Variants in CARS1 observed in about 807,000 individuals in gnomAD.
The protein encoded by CARS1 is cysteinyl-tRNA synthetase 1.
Under a neutral mutation model 106.2 loss-of-function variants are expected in CARS1, and 48 were observed. The observed-to-expected ratio is 0.45, with a 90% CI of 0.36 to 0.57. The LOEUF (loss-of-function observed/expected upper bound fraction) is 0.57. Among genes scored for constraint, CARS1 ranks in the 20% least tolerant of loss-of-function variants. The pLI, the probability that CARS1 is intolerant of heterozygous loss-of-function variation, is 0.00. For synonymous variants in CARS1, 409 were observed against 403.4 expected, an observed-to-expected ratio of 1.01 and a Z score of -0.17; for missense variants, 968 against 1,057.2, an observed-to-expected ratio of 0.92 and a Z score of 1.17.
In CARS1 at chr11:3,045,307, T is replaced by C. The variant is rs61870175; in HGVS notation, c.274+2446A>G. 0.093 allele frequency among the ~76,000 whole-genome samples: 14,190 copies of C among 152,054 alleles called. 879 individuals carry two copies. Among genetic ancestry groups the C allele is most frequent in the African/African-American group, 0.18 (7,268 of 41,468 alleles). ...CGAGACGGAGTCTCGCTCTGTCACC[T>C]AGGCTGGAGTACAGTGGCACGATCT... On this transcript the variant is annotated intron_variant, in intron 2 of 22. Coordinates refer to ENST00000380525, the MANE Select transcript of CARS1 (RefSeq NM_001014437.3). The surrounding 1 kb of genome is among the most constrained non-coding windows in gnomAD (Gnocchi z 5.6).
At chr11:3,042,631 C>A (rs1458656495) in intron 2 of CARS1, among the ~76,000 whole-genome samples, 1 of 152,212 alleles carries the variant, frequency 6.6e-6, no homozygotes, top group Non-Finnish European at 1.5e-5. Flanking sequence ...CCAGCACATT[C>A]CACTGCTCTT....
chr11:3,040,538 G>A lies in CARS1; in HGVS notation c.455+358C>T, dbSNP rs1322094337. ...GCCAACCCAGCGTCAGGCCTGTCAG[G>A]TCTGAGTGTCACGGGAACTCAGCAT... On this transcript the variant is annotated intron_variant, in intron 4 of 22. Coordinates refer to ENST00000380525, the MANE Select transcript of CARS1 (RefSeq NM_001014437.3). The surrounding 1 kb of genome is among the most constrained non-coding windows in gnomAD (Gnocchi z 5.8). 1 of 493,048 alleles carries A rather than the reference G, an allele frequency of 2.0e-6. No individual in the cohort carries two copies. The highest frequency in any genetic ancestry group is 2.3e-5 in the Admixed American group (1 of 43,636). 30.5% of individuals were successfully genotyped at this position (493,048 alleles called of 1,614,324 possible).
rs900326546 is a variant in CARS1 at position 3,048,788 on chromosome 11, G to T, written c.26-787C>A. On this transcript the variant is annotated intron_variant, in intron 1 of 22. Transcript: ENST00000380525. The surrounding 1 kb of genome is among the most constrained non-coding windows in gnomAD (Gnocchi z 5.1). ...GACCAGCCCAAGAAAGCACAGGGCT[G>T]CCAGGAAAATGTGGCTGCTCCAGCC... 6.6e-6 allele frequency among the ~76,000 whole-genome samples: 1 copy of T among 152,238 alleles called. No homozygotes were observed. The highest frequency in any genetic ancestry group is 1.5e-5 in the Non-Finnish European group (1 of 68,040).
chr11:3,047,522 G>C (rs1855222972), intron 2 of CARS1, among the ~76,000 whole-genome samples: 1 of 152,180 alleles, frequency 6.6e-6, no homozygotes, highest in Non-Finnish European at 1.5e-5. Context: ...TGCCACACCA[G>C]TGATGTGAAC....
At position 3,002,065 on chromosome 11, in the gene CARS1, AACACGGC is replaced by A. The variant is rs1334386636; in HGVS notation, c.2278-19_2278-13del. ...GCCAGCTTTGCTGCCTAGAACACGC[AACACGGC>A]ACAGTCACTGCCCCCGAGCAGCACC... On this transcript the variant is annotated splice_polypyrimidine_tract_variant and intron_variant, in intron 21 of 22. Coordinates refer to ENST00000380525, the MANE Select transcript of CARS1 (RefSeq NM_001014437.3). The A allele has an allele frequency of 6.3e-7, 1 of 1,594,278 alleles. No homozygotes were observed. Among genetic ancestry groups the A allele is most frequent in the Non-Finnish European group, 8.6e-7 (1 of 1,162,230 alleles).
chr11:3,053,749 T>G lies in CARS1; in HGVS notation c.25+3594A>C, dbSNP rs1336185838. Among the ~76,000 whole-genome samples, 2 of 152,030 alleles carry G rather than the reference T, an allele frequency of 1.3e-5. No homozygotes were observed. The highest frequency in any genetic ancestry group is 4.8e-5 in the African/African-American group (2 of 41,398). On this transcript the variant is annotated intron_variant, in intron 1 of 22. Transcript: ENST00000380525. This position sits in a 1 kb window ranked among gnomAD's most constrained non-coding sequence, Gnocchi z 6.6. The stretch of plus-strand genomic sequence containing the variant: ...AGGTTTAAACCAGCTTCCCCATGGG[T>G]GGAAAGCTTGCTAAAATGCAGACCC...
At chr11:3,055,549 G>A (rs1431873567) in intron 1 of CARS1, among the ~76,000 whole-genome samples, 1 of 152,242 alleles carries the variant, frequency 6.6e-6, no homozygotes, top group Non-Finnish European at 1.5e-5. Context: ...AACACTGGCT[G>A]GAGATGCTGT....
intron 10 of CARS1, among the ~76,000 whole-genome samples, chr11:3,025,952 CTA>C (rs2134178659): frequency 6.6e-6 from 1 of 152,326 alleles, no homozygotes; most frequent in South Asian, 2.1e-4. Context: ...CCAGGGGCCA[CTA>C]TGTTTCTCAA....
intron 16 of CARS1, among the ~76,000 whole-genome samples, 155 bp from the exon 17 acceptor site, chr11:3,016,004 C>A (rs1180565342): frequency 2.6e-5 from 4 of 152,184 alleles, no homozygotes; most frequent in African/African-American, 4.8e-5. Flanking sequence ...GAAACCCGAG[C>A]CTGAGGGTGC....
Position 3,026,643 on chromosome 11 carries a change from G to A in CARS1, c.1153+33C>T, listed in dbSNP as rs201943900. 20 of 1,609,968 alleles carry A rather than the reference G, an allele frequency of 1.2e-5. No homozygotes were observed. In the East Asian group the frequency reaches 4.5e-4, roughly 36 times the overall value. Reference sequence around the variant, plus strand: ...ACAACCCAGGCTGGGCCAGGAGGGAGAGCCCACATGCTCTCAGGCATGCCC... The same window carrying A: ...ACAACCCAGGCTGGGCCAGGAGGGAAAGCCCACATGCTCTCAGGCATGCCC... On this transcript the variant is annotated intron_variant, in intron 10 of 22. Transcript: ENST00000380525.
chr11:3,046,232 T>C lies in CARS1; in HGVS notation c.274+1521A>G, dbSNP rs952346292. Among the ~76,000 whole-genome samples the C allele has an allele frequency of 6.6e-6, 1 of 151,662 alleles. No individual in the cohort carries two copies. Among genetic ancestry groups the C allele is most frequent in the Admixed American group, 6.6e-5 (1 of 15,224 alleles). On this transcript the variant is annotated intron_variant, in intron 2 of 22. Coordinates refer to ENST00000380525, the MANE Select transcript of CARS1 (RefSeq NM_001014437.3). This position sits in a 1 kb window ranked among gnomAD's most constrained non-coding sequence, Gnocchi z 5.8. The stretch of plus-strand genomic sequence containing the variant: ...TCCTCTCACAGTGTGGATGGAGGCT[T>C]GCGTCTGTGCCGCTCTTTCAACAAG...
chr11:3,042,655 C>T (rs1467616122), intron 2 of CARS1, among the ~76,000 whole-genome samples: 1 of 152,228 alleles, frequency 6.6e-6, no homozygotes, highest in Non-Finnish European at 1.5e-5. Context: ...ATACTGGCCC[C>T]TTTCTGGCAG....
In CARS1 at chr11:3,030,681, A is replaced by G. The variant is rs1238602121; in HGVS notation, c.802-1238T>C. The G allele has an allele frequency of 6.6e-6, 1 of 152,252 alleles. No individual in the cohort carries two copies. The highest frequency in any genetic ancestry group is 1.5e-5 in the Non-Finnish European group (1 of 68,048). The allele number at this position is 152,252 out of a possible 1,614,324, so 9.4% of individuals were successfully genotyped here. A position where few individuals can be genotyped will look rare whatever the true frequency, so the allele number is the denominator to read the frequency against. ...AACGACAAACAGATGGACGCTTCAG[A>G]TGGAGGAGTTATCAGATACATAATA... On this transcript the variant is annotated intron_variant, in intron 7 of 22. Coordinates refer to ENST00000380525, the MANE Select transcript of CARS1 (RefSeq NM_001014437.3). The surrounding 1 kb of genome is among the most constrained non-coding windows in gnomAD (Gnocchi z 5.7).
At chr11:3,007,180 G>C (rs1849962087) in intron 18 of CARS1, 4 of 586,224 alleles carry the variant, frequency 6.8e-6, no homozygotes, top group Non-Finnish European at 1.2e-5. Context: ...CCAGAGACTA[G>C]TGTCTCCCGT....
chr11:3,050,666 C>G lies in CARS1; in HGVS notation c.26-2665G>C, dbSNP rs1000964446. ...TCCTCATGCTGGCCATGGGCCCCCA[C>G]CTGACTCACAATACCCTAGTCACAT... On this transcript the variant is annotated intron_variant, in intron 1 of 22. Transcript: ENST00000380525. This position sits in a 1 kb window ranked among gnomAD's most constrained non-coding sequence, Gnocchi z 6.3. Among the ~76,000 whole-genome samples, 9 of 152,214 alleles carry G rather than the reference C, an allele frequency of 5.9e-5. No homozygotes were observed. The highest frequency in any genetic ancestry group is 1.2e-4 in the Non-Finnish European group (8 of 68,030).
At chr11:3,012,343 G>T in intron 17 of CARS1, 67 bp from the exon 18 acceptor site, 1 of 1,393,996 alleles carries the variant, frequency 7.2e-7, no homozygotes, top group Non-Finnish European at 1.0e-6. Context: ...CAGAATAATA[G>T]CTCAGTGGCC....
intron 7 of CARS1, among the ~76,000 whole-genome samples, chr11:3,036,893 G>A (rs953057934): frequency 3.3e-5 from 5 of 151,906 alleles, no homozygotes; most frequent in Non-Finnish European, 7.4e-5. Flanking sequence ...TCAACCATGG[G>A]CACACTATGC....
intron 17 of CARS1, among the ~76,000 whole-genome samples, chr11:3,014,935 G>C (rs1850842669): frequency 6.6e-6 from 1 of 152,242 alleles, no homozygotes; most frequent in African/African-American, 2.4e-5. Context: ...TTAAGCTCCT[G>C]TTTTAATTAA....
In CARS1 at chr11:3,041,361, C is replaced by T. The variant is rs1294034595; in HGVS notation, c.367-377G>A. The T allele has an allele frequency of 4.9e-6, 1 of 205,936 alleles. No homozygotes were observed. The highest frequency in any genetic ancestry group is 9.9e-6 in the Non-Finnish European group (1 of 101,236). The allele number at this position is 205,936 out of a possible 1,614,324, so 12.8% of individuals were successfully genotyped here. A position where few individuals can be genotyped will look rare whatever the true frequency, so the allele number is the denominator to read the frequency against. ...TGAGCTAAATATTCAATATGCAGTA[C>T]ACTCTAGGACGTAGGTTATGTCATT... is the stretch of plus-strand genomic sequence containing the variant. On this transcript the variant is annotated intron_variant, in intron 3 of 22. Coordinates refer to ENST00000380525, the MANE Select transcript of CARS1 (RefSeq NM_001014437.3). The surrounding 1 kb of genome is among the most constrained non-coding windows in gnomAD (Gnocchi z 4.9).
Sources: gnomAD v4.1 joint callset for allele counts (sites outside exome capture counted in the v4.1 genomes callset) on GRCh38, gnomAD v4.1.1 for gene constraint, Gnocchi (gnomAD v3.1) non-coding constraint, MANE v1.5 for transcripts, NCBI Gene and HGNC (gene_info 2026-07-23, HGNC 2026-07-21) for gene names.